NPC1: variants seen among roughly 807,000 people sequenced by gnomAD.
NPC1 encodes the protein Niemann-Pick C1 protein.
Under a neutral mutation model 140.4 loss-of-function variants are expected in NPC1, and 85 were observed. That is an observed-to-expected ratio of 0.61 (90% CI 0.51 to 0.72). The LOEUF is 0.72. Among genes scored for constraint, NPC1 ranks in the 30% least tolerant of loss-of-function variants. The pLI is 0.00. For missense variants in NPC1, 1,504 were observed against 1,623.8 expected (o/e 0.93, Z 1.27); for synonymous variants, 656 against 624.8 (o/e 1.05, Z -0.74).
downstream of NPC1, chr18:23,527,770 G>A (rs779244233): frequency 1.8e-5 from 28 of 1,586,812 alleles, no homozygotes; most frequent in South Asian, 2.2e-4. Context: ...GGTTTGATCC[G>A]TGTGTGAACA....
chr18:23,548,020 C>T lies in NPC1; in HGVS notation c.1743G>A (p.Gln581=), dbSNP rs1234473868. Residue 581 remains glutamine, a synonymous_variant, in exon 11 of 25, where the codon CAG becomes CAA. Coordinates refer to ENST00000269228, the MANE Select transcript of NPC1 (RefSeq NM_000271.5). Reference sequence around the variant, plus strand: ...GAGTGACTCACTCTTTTTCCCAGGCCTGGGCCCTCTGGAGCTTCTCTGTAT... The same window carrying T: ...GAGTGACTCACTCTTTTTCCCAGGCTTGGGCCCTCTGGAGCTTCTCTGTAT... ...YNDTEKLQRA[Q]AWEKEFINFV... 6.2e-7 allele frequency: 1 copy of T among 1,600,832 alleles called. No individual in the cohort carries two copies. The highest frequency in any genetic ancestry group is 2.2e-5 in the East Asian group (1 of 44,804).
downstream of NPC1, among the ~76,000 whole-genome samples, chr18:23,517,572 A>G (rs954149274): frequency 2.0e-5 from 3 of 152,226 alleles, no homozygotes; most frequent in African/African-American, 4.8e-5. Flanking sequence ...TGATTCGACA[A>G]TAGTCAAAAT....
intron 3 of NPC1, among the ~76,000 whole-genome samples, chr18:23,569,550 A>C (rs1427552097): frequency 2.0e-5 from 3 of 152,182 alleles, no homozygotes; most frequent in Non-Finnish European, 4.4e-5. Context: ...TCAAACTCCT[A>C]AACTCAAGCA....
Position 23,586,450 on chromosome 18 carries a change from G to T in NPC1, c.-107C>A. On this transcript the variant is annotated 5_prime_UTR_variant, in exon 1 of 25. Transcript: ENST00000269228. ...TTTCAGCACCCCGCGCAGGAGGAGCGGAGGAGCAGGAGCAGGCGCTGACCG... is the reference window on the plus strand; with the variant it reads ...TTTCAGCACCCCGCGCAGGAGGAGCTGAGGAGCAGGAGCAGGCGCTGACCG... 1 of 1,494,696 alleles carries T rather than the reference G, an allele frequency of 6.7e-7. No homozygotes were observed. Among genetic ancestry groups the T allele is most frequent in the Non-Finnish European group, 8.9e-7 (1 of 1,128,818 alleles). The allele number at this position is 1,494,696 out of a possible 1,614,324, so 92.6% of individuals were successfully genotyped here.
intron 10 of NPC1, 147 bp downstream of exon 10, chr18:23,551,479 GC>G (rs2058871793): frequency 1.3e-6 from 1 of 765,162 alleles, no homozygotes; most frequent in Admixed American, 1.8e-5. Context: ...CAAACCCAAA[GC>G]CAAAGGAGAT....
chr18:23,548,037 T>C lies in NPC1; in HGVS notation c.1726A>G (p.Lys576Glu). 1 of 1,610,824 alleles carries C rather than the reference T, an allele frequency of 6.2e-7. No individual in the cohort carries two copies. Among genetic ancestry groups the C allele is most frequent in the Non-Finnish European group, 8.5e-7 (1 of 1,177,030 alleles). ...TCCCAGGCCTGGGCCCTCTGGAGCTTCTCTGTATCATTATAGTAATTATTG... is the reference window on the plus strand; with the variant it reads ...TCCCAGGCCTGGGCCCTCTGGAGCTCCTCTGTATCATTATAGTAATTATTG... ...PVNNYYNDTE[K>E]LQRAQAWEKE... The change falls in exon 11 of 25, where the codon AAG becomes GAG. Residue 576 changes from lysine (K) to glutamate (E), a missense_variant. Coordinates refer to ENST00000269228, the MANE Select transcript of NPC1 (RefSeq NM_000271.5).
At chr18:23,533,134 C>CA in intron 24 of NPC1, 3 of 633,550 alleles carry the variant, frequency 4.7e-6, no homozygotes, top group Admixed American at 3.1e-5. Flanking sequence ...ATCAGGCCTC[C>CA]AGAAAAAACA....
At chr18:23,535,737 C>T (rs780618072) in intron 21 of NPC1, 37 bp from the exon 22 acceptor site, 2 of 1,370,640 alleles carry the variant, frequency 1.5e-6, no homozygotes, top group Non-Finnish European at 1.0e-6. Context: ...AAAGCTCGCT[C>T]TCACTCCCGA....
At chr18:23,509,375 T>C in intron 3 of NPC1, 1 of 374,768 alleles carries the variant, frequency 2.7e-6, no homozygotes, top group Non-Finnish European at 4.5e-6. Flanking sequence ...ATATATATTT[T>C]AAACATTTTC....
At chr18:23,538,995 C>T (rs1018127871) in intron 19 of NPC1, 5 of 447,816 alleles carry the variant, frequency 1.1e-5, no homozygotes, top group East Asian at 4.8e-5. Flanking sequence ...AGGGCAACCT[C>T]GACGCTCCTA....
chr18:23,509,182 AT>A, intron 3 of NPC1: 1 of 1,285,792 alleles, frequency 7.8e-7, no homozygotes, highest in Non-Finnish European at 1.0e-6. Context: ...TTTTTAAAAA[AT>A]TTTTCTTAGA....
intron 10 of NPC1, among the ~76,000 whole-genome samples, chr18:23,549,907 A>G (rs1252076014): frequency 6.6e-6 from 1 of 151,602 alleles, no homozygotes; most frequent in Non-Finnish European, 1.5e-5. Flanking sequence ...ACGTGTGGCT[A>G]ATTTTTTTTG....
chr18:23,586,311 G>C lies in NPC1; in HGVS notation c.33C>G (p.Leu11=). MTARGLALGL[L]LLLLCPAQVF... is the part of the protein sequence containing the mutation. ...CCTGCGCTGGACACAGTAGCAGCAG[G>C]AGGAGGCCAAGGGCCAGGCCGCGAG... The change falls in exon 1 of 25, where the codon CTC becomes CTG. Residue 11 remains leucine, a synonymous_variant. Transcript: ENST00000269228. The C allele has an allele frequency of 6.5e-7, 1 of 1,534,154 alleles. No homozygotes were observed. The highest frequency in any genetic ancestry group is 8.7e-7 in the Non-Finnish European group (1 of 1,146,302).
At chr18:23,532,546 T>C (rs2058546782) in intron 24 of NPC1, among the ~76,000 whole-genome samples, 1 of 152,130 alleles carries the variant, frequency 6.6e-6, no homozygotes, top group Admixed American at 6.5e-5. Flanking sequence ...TCAAGCAAGC[T>C]TCCTGCCTCA....
downstream of NPC1, chr18:23,519,016 T>A: frequency 6.2e-7 from 1 of 1,613,568 alleles, no homozygotes; most frequent in Non-Finnish European, 8.5e-7. Flanking sequence ...TCTCTCTGAT[T>A]TTAAAATGTG....
At position 23,545,091 on chromosome 18, in the gene NPC1, C is replaced by G; in HGVS notation, c.1816G>C (p.Glu606Gln). 2 of 1,613,274 alleles carry G rather than the reference C, an allele frequency of 1.2e-6. No homozygotes were observed. Among genetic ancestry groups the G allele is most frequent in the South Asian group, 1.1e-5 (1 of 91,060 alleles). The change falls in exon 12 of 25, where the codon GAA becomes CAA. Residue 606 changes from glutamate to glutamine, a missense_variant. Physicochemically the swap from Glu to Gln is conservative, Grantham distance 29. Transcript: ENST00000269228. ...TTTAGTTCATCTTCAATACTTCGTT[C>G]AGCAGTGAAGGAAATGGTCAGATTG... is the stretch of plus-strand genomic sequence containing the variant. The part of the protein sequence containing the change: ...NPNLTISFTA[E>Q]RSIEDELNRE...
At chr18:23,514,573 T>C (rs1297888524) in intron 3 of NPC1, among the ~76,000 whole-genome samples, 1 of 151,562 alleles carries the variant, frequency 6.6e-6, no homozygotes, top group Admixed American at 6.6e-5. Flanking sequence ...AAAAAAAAAT[T>C]TGTAATGACC....
chr18:23,572,781 C>A (rs1336187909), intron 2 of NPC1, among the ~76,000 whole-genome samples: 5 of 152,132 alleles, frequency 3.3e-5, no homozygotes, highest in African/African-American at 1.2e-4. Context: ...CACAGTGAGC[C>A]GTGATTGTGC....
intron 3 of NPC1, among the ~76,000 whole-genome samples, chr18:23,570,711 A>AC (rs1437980172): frequency 1.3e-5 from 2 of 152,248 alleles, no homozygotes; most frequent in African/African-American, 4.8e-5. Flanking sequence ...AAAGACCACT[A>AC]CCAGCTTGCT....
Sources: gnomAD v4.1 joint callset for allele counts (sites outside exome capture counted in the v4.1 genomes callset) on GRCh38, gnomAD v4.1.1 for gene constraint, MANE v1.5 for transcripts, NCBI Gene and HGNC (gene_info 2026-07-23, HGNC 2026-07-21) for gene names.